LIPI: variants seen among roughly 807,000 people sequenced by gnomAD.
LIPI encodes the protein lipase member I.
In LIPI, 59 loss-of-function variants were observed where a neutral mutation model predicts 50.6. That is an observed-to-expected ratio of 1.16 (90% confidence interval 0.94 to 1.45). The LOEUF (loss-of-function observed/expected upper bound fraction) is 1.45. Ranked by LOEUF, LIPI falls within the 40% of genes most tolerant of loss-of-function variation. LIPI has a pLI of 0.00. For synonymous variants in LIPI, 203 were observed against 178.2 expected, an observed-to-expected ratio of 1.14 and a Z score of -1.11; for missense variants, 586 against 536.3, an observed-to-expected ratio of 1.09 and a Z score of -0.92.
At position 14,193,145 on chromosome 21, in the gene LIPI, T is replaced by C. The variant is rs930116762; in HGVS notation, c.47-3726A>G. On this transcript the variant is annotated intron_variant, in intron 1 of 9. Transcript: ENST00000681601. ...AAAGAAGTAGAGAATTTTGTTATGG[T>C]ATTGGAGTTAAGTTAGTATCAATTT... is the stretch of plus-strand genomic sequence containing the variant. Among the ~76,000 whole-genome samples the C allele has an allele frequency of 3.9e-5, 6 of 152,188 alleles. No individual in the cohort carries two copies. In the East Asian group the frequency reaches 9.6e-4, roughly 24 times the overall value.
At chr21:14,169,549 A>G (rs1409021678) in intron 4 of LIPI, among the ~76,000 whole-genome samples, 1 of 152,260 alleles carries the variant, frequency 6.6e-6, no homozygotes, top group Non-Finnish European at 1.5e-5. Context: ...AGAACTCAGG[A>G]TTAAGAAACT....
At chr21:14,210,365 G>A (rs2020331403) in intron 1 of LIPI, among the ~76,000 whole-genome samples, 1 of 151,608 alleles carries the variant, frequency 6.6e-6, no homozygotes, top group South Asian at 2.1e-4. Context: ...TGGTTATTTT[G>A]TTTGTTTTGC....
intron 8 of LIPI, among the ~76,000 whole-genome samples, chr21:14,148,426 T>A (rs2017978745): frequency 6.6e-6 from 1 of 151,984 alleles, no homozygotes; most frequent in African/African-American, 2.4e-5. Flanking sequence ...TGTATACTCA[T>A]GTGCTGCACA....
chr21:14,110,438 T>C (rs1051156762), intron 9 of LIPI, among the ~76,000 whole-genome samples: 2 of 152,036 alleles, frequency 1.3e-5, no homozygotes, highest in Non-Finnish European at 2.9e-5. Flanking sequence ...TGGTTAAATA[T>C]AGTTAATTAA....
chr21:14,166,389 G>C lies in LIPI; in HGVS notation c.706C>G (p.Pro236Ala), dbSNP rs750196117. 2.5e-6 allele frequency: 4 copies of C among 1,607,014 alleles called. No individual in the cohort carries two copies. Among genetic ancestry groups the C allele is most frequent in the Non-Finnish European group, 3.4e-6 (4 of 1,173,662 alleles). Residue 236 changes from proline (P) to alanine (A), a missense_variant, in exon 5 of 10, where the codon CCT becomes GCT. Pro to Ala is a conservative substitution (Grantham distance 27). Transcript: ENST00000681601. ...GAGAAAATTGATTTAGGACAGCCAG[G>C]TTGTTTATTTCCTCCATTTGGATAA... ...DFYPNGGNKQ[P>A]GCPKSIFSGI...
At chr21:14,186,857 T>G (rs1163704453) in intron 2 of LIPI, among the ~76,000 whole-genome samples, 1 of 152,190 alleles carries the variant, frequency 6.6e-6, no homozygotes, top group African/African-American at 2.4e-5. Flanking sequence ...CACCAGACAC[T>G]GAATCTGCTG....
chr21:14,145,513 A>G (rs925810722), intron 8 of LIPI, among the ~76,000 whole-genome samples: 1 of 152,116 alleles, frequency 6.6e-6, no homozygotes, highest in Non-Finnish European at 1.5e-5. Flanking sequence ...CATGACCCCA[A>G]GAGGAACTCC....
At chr21:14,210,379 C>T (rs1025542698) in intron 1 of LIPI, among the ~76,000 whole-genome samples, 1 of 151,844 alleles carries the variant, frequency 6.6e-6, no homozygotes, top group African/African-American at 2.4e-5. Flanking sequence ...GTTTTGCAAT[C>T]GATAATTTAT....
intron 8 of LIPI, among the ~76,000 whole-genome samples, chr21:14,151,927 T>G (rs2018105961): frequency 6.6e-6 from 1 of 151,958 alleles, no homozygotes; most frequent in Non-Finnish European, 1.5e-5. Flanking sequence ...ATTGTGTCAC[T>G]CTATTTAAAG....
At chr21:14,159,831 A>C (rs2018401178) in intron 7 of LIPI, among the ~76,000 whole-genome samples, 1 of 151,448 alleles carries the variant, frequency 6.6e-6, no homozygotes, top group Non-Finnish European at 1.5e-5. Flanking sequence ...CGATCTCATT[A>C]CTATATACCA....
At chr21:14,141,091 C>T (rs940314195) in intron 9 of LIPI, among the ~76,000 whole-genome samples, 6 of 152,012 alleles carry the variant, frequency 3.9e-5, no homozygotes, top group Non-Finnish European at 7.4e-5. Context: ...TTGTTCTTTT[C>T]GTTCTTTTAG....
rs1317848971 is a variant in LIPI at position 14,163,535 on chromosome 21, G to T, written c.902-12C>A. On this transcript the variant is annotated splice_polypyrimidine_tract_variant and intron_variant, in intron 6 of 9. Transcript: ENST00000681601. ...CTTGGCTTGATAACCTGAGATTTGA[G>T]AAATAGAACATTAGAAATTGGATTT... 43 of 1,223,660 alleles carry T rather than the reference G, an allele frequency of 3.5e-5. No homozygotes were observed. The Admixed American group carries it at 7.3e-4, about 21-fold the overall frequency. 75.8% of individuals were successfully genotyped at this position (1,223,660 alleles called of 1,614,324 possible).
At chr21:14,192,225 G>A (rs1162308760) in intron 1 of LIPI, among the ~76,000 whole-genome samples, 1 of 152,182 alleles carries the variant, frequency 6.6e-6, no homozygotes, top group Non-Finnish European at 1.5e-5. Flanking sequence ...ACCACTTTGG[G>A]AGGCCGAGCT....
rs572916339 is a variant in LIPI, at chr21:14,139,403, A to C, written c.1295+5220T>G. Among the ~76,000 whole-genome samples, 9 of 152,276 alleles carry C rather than the reference A, an allele frequency of 5.9e-5. No individual in the cohort carries two copies. In the South Asian group the frequency reaches 1.2e-3, roughly 21 times the overall value. The stretch of plus-strand genomic sequence containing the variant: ...CAATTGGGTTTAAGCATTTAAAAAC[A>C]TGTCTATTAATCATTTTTTCTTTCT... On this transcript the variant is annotated intron_variant, in intron 9 of 9. Transcript: ENST00000681601.
chr21:14,175,416 C>A (rs558947767), intron 4 of LIPI, among the ~76,000 whole-genome samples: 37 of 152,206 alleles, frequency 2.4e-4, no homozygotes, highest in African/African-American at 7.7e-4. Flanking sequence ...AATGTCCTGA[C>A]TTTTTCTTAA....
intron 2 of LIPI, among the ~76,000 whole-genome samples, chr21:14,188,687 T>A (rs1428100741): frequency 1.3e-5 from 2 of 152,082 alleles, no homozygotes; most frequent in East Asian, 3.8e-4. Context: ...AATTATAAAG[T>A]TTATTTCCCC....
At position 14,170,292 on chromosome 21, in the gene LIPI, G is replaced by A. The variant is rs141830348; in HGVS notation, c.644-3841C>T. On this transcript the variant is annotated intron_variant, in intron 4 of 9. Coordinates refer to ENST00000681601, the MANE Select transcript of LIPI (RefSeq NM_001302998.2). ...CCGAATTCTACCAGAAGTACAAGGA[G>A]GAACCGGTACCATTCCTTCTGAAAC... Among the ~76,000 whole-genome samples, 181 of 152,274 alleles carry A rather than the reference G, an allele frequency of 1.2e-3. No homozygotes were observed. In the East Asian group the frequency reaches 0.024, roughly 20 times the overall value.
At chr21:14,208,235 A>T (rs1286859190) in intron 1 of LIPI, among the ~76,000 whole-genome samples, 1 of 152,116 alleles carries the variant, frequency 6.6e-6, no homozygotes, top group African/African-American at 2.4e-5. Flanking sequence ...CTATACCCTT[A>T]TTACTCCAAG....
intron 9 of LIPI, among the ~76,000 whole-genome samples, chr21:14,116,354 C>G (rs938437446): frequency 6.6e-6 from 1 of 152,116 alleles, no homozygotes; most frequent in African/African-American, 2.4e-5. Context: ...AGTTTCATAG[C>G]TTCACAGCAG....
Sources: allele counts gnomAD v4.1 joint callset (sites outside exome capture counted in the v4.1 genomes callset), GRCh38; gene constraint gnomAD v4.1.1; transcripts MANE v1.5; gene names NCBI Gene and HGNC (gene_info 2026-07-23, HGNC 2026-07-21).